Variants in CDH4 observed in about 807,000 individuals in gnomAD.
CDH4 encodes cadherin-4.
In CDH4, 33 loss-of-function variants were observed where a neutral mutation model predicts 86.0. The ratio of observed to expected loss-of-function variants is 0.38; its 90% confidence interval spans 0.29 to 0.51. CDH4 has a LOEUF of 0.51. Ranked by LOEUF, CDH4 falls within the 20% of genes least tolerant of loss-of-function variation. CDH4 has a pLI of 0.86. For synonymous variants in CDH4, 555 were observed against 549.4 expected (o/e 1.01, Z -0.14); for missense variants, 1,114 against 1,307.4 (o/e 0.85, Z 2.28).
intron 2 of CDH4, chr20:61,718,746 G>C (rs1407192943): frequency 6.5e-6 from 3 of 460,734 alleles, no homozygotes; most frequent in South Asian, 4.7e-5. Context: ...GGAGACACTA[G>C]GCTAACAGGC....
At chr20:61,498,212 A>T (rs537988301) in intron 2 of CDH4, among the ~76,000 whole-genome samples, 2 of 152,224 alleles carry the variant, frequency 1.3e-5, no homozygotes, top group East Asian at 1.9e-4. Context: ...ATAATAATAA[A>T]AAAAAAAGGC....
intron 2 of CDH4, among the ~76,000 whole-genome samples, chr20:61,378,450 C>T (rs1384216214): frequency 6.6e-6 from 1 of 152,052 alleles, no homozygotes; most frequent in Non-Finnish European, 1.5e-5. Context: ...ATGCTTGCTC[C>T]CTCCCTGGGT....
At chr20:61,808,428 A>C (rs986647321) in intron 4 of CDH4, among the ~76,000 whole-genome samples, 1 of 152,238 alleles carries the variant, frequency 6.6e-6, no homozygotes. Context: ...TCCGCCCTGC[A>C]GTCGGTGGGG....
chr20:61,550,500 T>A (rs1467494968), intron 2 of CDH4, among the ~76,000 whole-genome samples: 1 of 152,210 alleles, frequency 6.6e-6, no homozygotes, highest in Non-Finnish European at 1.5e-5. Context: ...CTCTGCCAGC[T>A]TCCAGGGCTC....
At chr20:61,926,746 G>A (rs2055048711) in intron 11 of CDH4, among the ~76,000 whole-genome samples, 2 of 152,174 alleles carry the variant, frequency 1.3e-5, no homozygotes, top group East Asian at 1.9e-4. Flanking sequence ...GGTGGTGCAC[G>A]CCTGTAATCC....
chr20:61,629,545 T>C (rs2086864636), intron 2 of CDH4, among the ~76,000 whole-genome samples: 1 of 152,232 alleles, frequency 6.6e-6, no homozygotes, highest in African/African-American at 2.4e-5. Context: ...ATTATTGATA[T>C]TTCTTTTTAA....
intron 2 of CDH4, among the ~76,000 whole-genome samples, chr20:61,275,326 T>A (rs1364028073): frequency 9.2e-6 from 1 of 108,614 alleles, no homozygotes; most frequent in Non-Finnish European, 1.8e-5. Context: ...CGTGCGCAGT[T>A]TGGGAGAGTA....
At position 61,252,842 on chromosome 20, in the gene CDH4, G is replaced by A. The variant is rs1327271360; in HGVS notation, c.57+272G>A. ...GCTCCGCCTGCACCGGACCCGCCGA[G>A]CCTCCCTCGAACGCCCAAAGCCCGT... is the stretch of plus-strand genomic sequence containing the variant. On this transcript the variant is annotated intron_variant, in intron 1 of 15. Coordinates refer to ENST00000614565, the MANE Select transcript of CDH4 (RefSeq NM_001794.5). This position sits in a 1 kb window ranked among gnomAD's most constrained non-coding sequence, Gnocchi z 4.4. Among the ~76,000 whole-genome samples the A allele has an allele frequency of 6.6e-6, 1 of 151,812 alleles. No homozygotes were observed. The highest frequency in any genetic ancestry group is 1.5e-5 in the Non-Finnish European group (1 of 67,910).
At chr20:61,308,901 C>G (rs778900014) in intron 2 of CDH4, among the ~76,000 whole-genome samples, 1 of 152,184 alleles carries the variant, frequency 6.6e-6, no homozygotes, top group Non-Finnish European at 1.5e-5. Flanking sequence ...AAGCAGAGCT[C>G]GTAGCCTGTG....
At chr20:61,579,012 G>A (rs534332489) in intron 2 of CDH4, among the ~76,000 whole-genome samples, 1 of 152,220 alleles carries the variant, frequency 6.6e-6, no homozygotes, top group African/African-American at 2.4e-5. Context: ...CCCTGACCGT[G>A]TGCTGAGGGA....
At chr20:61,915,700 G>A (rs1225458250) in intron 9 of CDH4, among the ~76,000 whole-genome samples, 1 of 152,230 alleles carries the variant, frequency 6.6e-6, no homozygotes, top group Non-Finnish European at 1.5e-5. Flanking sequence ...AGACAAAACT[G>A]TGGGGACAGA....
rs138313998 is a variant in CDH4, at chr20:61,928,329, C to T, written c.1911C>T (p.Asp637=). 1,083 of 1,610,198 alleles carry T rather than the reference C, an allele frequency of 6.7e-4. 4 individuals carry two copies. The highest frequency in any genetic ancestry group is 2.3e-3 in the South Asian group (208 of 91,040). Residue 637 remains aspartate, a synonymous_variant, in exon 12 of 16, where the codon GAC becomes GAT. Transcript: ENST00000614565. ...ACGCCATCAACATCACGGCGGCCGA[C>T]GCTGACGTCGACCCCAACATCGGCC... ...NLNAINITAA[D]ADVDPNIGPY... is the part of the protein sequence containing the mutation.
At chr20:61,627,539 C>T (rs150298428) in intron 2 of CDH4, among the ~76,000 whole-genome samples, 17 of 152,320 alleles carry the variant, frequency 1.1e-4, no homozygotes, top group South Asian at 6.2e-4. Flanking sequence ...GTGTCCCCTG[C>T]GGAGCAGATG....
At chr20:61,643,572 C>T (rs774842435) in intron 2 of CDH4, among the ~76,000 whole-genome samples, 16 of 152,240 alleles carry the variant, frequency 1.1e-4, no homozygotes, top group Non-Finnish European at 2.1e-4. Flanking sequence ...TCCCATCTCT[C>T]CTTCACCCGT....
chr20:61,591,406 A>T (rs1250212194), intron 2 of CDH4, among the ~76,000 whole-genome samples: 1 of 152,156 alleles, frequency 6.6e-6, no homozygotes, highest in Non-Finnish European at 1.5e-5. Context: ...CATTTTTGCA[A>T]ATCTCTTCCG....
chr20:61,547,151 A>G (rs547673577), intron 2 of CDH4, among the ~76,000 whole-genome samples: 1 of 150,600 alleles, frequency 6.6e-6, no homozygotes, highest in South Asian at 2.1e-4. Flanking sequence ...CCCAAGTGCA[A>G]GTAGCTTTTA....
intron 4 of CDH4, among the ~76,000 whole-genome samples, chr20:61,785,632 C>T (rs1269436371): frequency 6.6e-6 from 1 of 151,436 alleles, no homozygotes; most frequent in Admixed American, 6.6e-5. Context: ...CCCAGGTTTG[C>T]AGAGCCCCCA....
At chr20:61,349,654 G>A (rs1825660266) in intron 2 of CDH4, among the ~76,000 whole-genome samples, 1 of 152,170 alleles carries the variant, frequency 6.6e-6, no homozygotes, top group Admixed American at 6.5e-5. Context: ...GAAAGCTGGG[G>A]CTCCCCACAG....
intron 4 of CDH4, among the ~76,000 whole-genome samples, chr20:61,843,322 C>A (rs866361387): frequency 6.6e-6 from 1 of 151,316 alleles, no homozygotes; most frequent in African/African-American, 2.4e-5. Context: ...CGGTGGCGGG[C>A]GCCTGTAGTC....
Sources: gnomAD v4.1 joint callset for allele counts (sites outside exome capture counted in the v4.1 genomes callset) on GRCh38, gnomAD v4.1.1 for gene constraint, Gnocchi (gnomAD v3.1) non-coding constraint, MANE v1.5 for transcripts, NCBI Gene and HGNC (gene_info 2026-07-23, HGNC 2026-07-21) for gene names.